NAV3: variants seen among roughly 807,000 people sequenced by gnomAD.
The protein encoded by NAV3 is neuron navigator 3.
A neutral mutation model predicts 244.7 loss-of-function variants in NAV3; 87 were observed. The observed-to-expected ratio is 0.36, with a 90% CI of 0.30 to 0.42. The LOEUF (loss-of-function observed/expected upper bound fraction) is 0.42. NAV3 is among the 20% of genes least tolerant of loss of function. NAV3 has a pLI of 1.00. For synonymous variants in NAV3, 1,126 were observed against 1,042.2 expected (o/e 1.08, Z -1.55); for missense variants, 2,663 against 2,893.3 (o/e 0.92, Z 1.83).
At chr12:77,866,942 A>G (rs1331350130) in intron 1 of NAV3, among the ~76,000 whole-genome samples, 1 of 152,224 alleles carries the variant, frequency 6.6e-6, no homozygotes, top group Admixed American at 6.5e-5. Flanking sequence ...ATTCTAGAGT[A>G]TTAGAATGAA....
At chr12:77,998,520 C>G (rs1239793661) in intron 7 of NAV3, 44 bp downstream of exon 7, 2 of 1,549,910 alleles carry the variant, frequency 1.3e-6, no homozygotes, top group Admixed American at 4.0e-5. Flanking sequence ...CAACATGAGT[C>G]TTGTGAATTG....
chr12:78,045,257 C>G lies in NAV3; in HGVS notation c.2024-4736C>G, dbSNP rs183589287. 2.4e-3 allele frequency among the ~76,000 whole-genome samples: 365 copies of G among 152,160 alleles called. 1 individual carries two copies. The highest frequency in any genetic ancestry group is 4.2e-3 in the Non-Finnish European group (284 of 68,002). On this transcript the variant is annotated intron_variant, in intron 9 of 39. Coordinates refer to ENST00000397909, the MANE Select transcript of NAV3 (RefSeq NM_001024383.2). ...TATTGATTTGCATATGTTGAACCAG[C>G]CTTGTATCCCAGCAATGAACCCAAC...
intron 23 of NAV3, among the ~76,000 whole-genome samples, chr12:78,167,595 G>T (rs1476458692): frequency 1.3e-5 from 2 of 150,728 alleles, no homozygotes; most frequent in East Asian, 2.0e-4. Context: ...TGCAAAGGCC[G>T]CTGTGGATGA....
At position 77,831,733 on chromosome 12, in the gene NAV3, G is replaced by A. The variant is rs894630560; in HGVS notation, c.243+29G>A. ...AGTTGCTGAAGTTACCTGCAGACTTGTGTAGCTAAAATGCACATTTCTCTT... is the reference window on the plus strand; with the variant it reads ...AGTTGCTGAAGTTACCTGCAGACTTATGTAGCTAAAATGCACATTTCTCTT... On this transcript the variant is annotated intron_variant, in intron 1 of 39. Transcript: ENST00000397909. 3 of 1,563,430 alleles carry A rather than the reference G, an allele frequency of 1.9e-6. No individual in the cohort carries two copies. The African/African-American group carries it at 4.1e-5, about 21-fold the overall frequency.
At chr12:77,805,190 C>T (rs1871910774) in intron 2 of NAV3, among the ~76,000 whole-genome samples, 1 of 152,208 alleles carries the variant, frequency 6.6e-6, no homozygotes, top group South Asian at 2.1e-4. Flanking sequence ...CCTGCCAGAA[C>T]TTCCAATACT....
At chr12:78,160,494 T>C (rs73147973) in intron 23 of NAV3, among the ~76,000 whole-genome samples, 5,709 of 151,916 alleles carry the variant, frequency 0.038, 139 homozygotes, top group Admixed American at 0.058. Flanking sequence ...AGAGACCCAT[T>C]ATATCAAAAG....
chr12:77,901,757 G>A (rs764337828), intron 1 of NAV3, among the ~76,000 whole-genome samples: 1 of 152,028 alleles, frequency 6.6e-6, no homozygotes, highest in South Asian at 2.1e-4. Context: ...ATTCTTCTTC[G>A]TATGGCCCAT....
At chr12:78,147,557 ATTATC>A (rs1045455850) in intron 21 of NAV3, among the ~76,000 whole-genome samples, 8 of 151,760 alleles carry the variant, frequency 5.3e-5, no homozygotes, top group Non-Finnish European at 8.8e-5. Flanking sequence ...ATTCATAGTC[ATTATC>A]TTATAAATGT....
At chr12:77,808,918 C>T (rs551845311) in intron 2 of NAV3, among the ~76,000 whole-genome samples, 3 of 152,272 alleles carry the variant, frequency 2.0e-5, no homozygotes, top group South Asian at 2.1e-4. Context: ...AGTGGCCTTG[C>T]GGAGCTGCGG....
chr12:77,663,672 C>T (rs1873579723), intron 2 of NAV3, among the ~76,000 whole-genome samples: 1 of 152,162 alleles, frequency 6.6e-6, no homozygotes, highest in African/African-American at 2.4e-5. Flanking sequence ...CAGGCCTGCA[C>T]CACCATGCCC....
intron 2 of NAV3, among the ~76,000 whole-genome samples, chr12:77,700,786 C>A (rs1875526082): frequency 6.6e-6 from 1 of 151,786 alleles, no homozygotes; most frequent in Non-Finnish European, 1.5e-5. Context: ...GTGTCACATG[C>A]CTTCATATGT....
At chr12:77,623,552 A>G (rs1157752068) in intron 2 of NAV3, among the ~76,000 whole-genome samples, 2 of 152,220 alleles carry the variant, frequency 1.3e-5, no homozygotes, top group East Asian at 1.9e-4. Context: ...GATGCATATT[A>G]TCTAAGAGGC....
rs1873279912 is a variant in NAV3, at chr12:77,658,965, G to A, written c.72+86699G>A. ...CCTTATACAAAAATCAATTCAAGAT[G>A]GATTAAAGACTTAAACGTTAGACCT... On this transcript the variant is annotated intron_variant, in intron 2 of 8. Coordinates refer to the NAV3 transcript ENST00000550042. 2.6e-5 allele frequency among the ~76,000 whole-genome samples: 4 copies of A among 152,032 alleles called. No homozygotes were observed. In the South Asian group the frequency reaches 8.3e-4, roughly 32 times the overall value.
chr12:77,591,306 A>C (rs192503937), intron 2 of NAV3, among the ~76,000 whole-genome samples: 1 of 152,210 alleles, frequency 6.6e-6, no homozygotes, highest in Non-Finnish European at 1.5e-5. Context: ...TGTTTTATTT[A>C]CTTCTATGAT....
intron 2 of NAV3, among the ~76,000 whole-genome samples, chr12:77,592,929 C>T (rs1283807870): frequency 6.6e-6 from 1 of 152,170 alleles, no homozygotes; most frequent in Non-Finnish European, 1.5e-5. Context: ...AGGAATTCTA[C>T]AAATATCTTT....
At chr12:78,062,322 C>T (rs1296033799) in intron 12 of NAV3, among the ~76,000 whole-genome samples, 3 of 151,978 alleles carry the variant, frequency 2.0e-5, no homozygotes, top group Non-Finnish European at 4.4e-5. Context: ...AATTTTTATA[C>T]CATTTTTTTA....
intron 3 of NAV3, among the ~76,000 whole-genome samples, chr12:77,948,486 A>G (rs1890568665): frequency 6.6e-6 from 1 of 151,930 alleles, no homozygotes; most frequent in Non-Finnish European, 1.5e-5. Flanking sequence ...AATAATTGGC[A>G]TATTTTTATC....
chr12:77,865,469 A>T (rs978907883), intron 1 of NAV3, among the ~76,000 whole-genome samples: 1 of 152,058 alleles, frequency 6.6e-6, no homozygotes, highest in African/African-American at 2.4e-5. Context: ...GGTTCTTTTA[A>T]ACTATAGCTG....
In NAV3 at chr12:77,843,825, G is replaced by A. The variant is rs148782187; in HGVS notation, c.243+12121G>A. Among the ~76,000 whole-genome samples the A allele has an allele frequency of 5.3e-4, 75 of 140,380 alleles. 1 individual carries two copies. The East Asian group carries it at 0.012, about 23-fold the overall frequency. 92.1% of individuals were successfully genotyped at this position (140,380 alleles called of 152,430 possible). A position where few individuals can be genotyped will look rare whatever the true frequency, so the allele number is the denominator to read the frequency against. Reference sequence around the variant, plus strand: ...CCAGTTTACAACCAATTTAGACCCTGTCTTGTTTAAAAAAAAAAAAGATTT... The same window carrying A: ...CCAGTTTACAACCAATTTAGACCCTATCTTGTTTAAAAAAAAAAAAGATTT... On this transcript the variant is annotated intron_variant, in intron 1 of 39. Transcript: ENST00000397909.
Sources: allele counts gnomAD v4.1 joint callset (sites outside exome capture counted in the v4.1 genomes callset), GRCh38; gene constraint gnomAD v4.1.1; transcripts MANE v1.5; gene names NCBI Gene and HGNC (gene_info 2026-07-23, HGNC 2026-07-21).